Variants in UNC79 observed in about 807,000 individuals in gnomAD.
The protein encoded by UNC79 is unc-79 subunit of NALCN channel complex.
A neutral mutation model predicts 283.1 loss-of-function variants in UNC79; 37 were observed. The ratio of observed to expected loss-of-function variants is 0.13; its 90% confidence interval spans 0.10 to 0.17. UNC79 has a LOEUF of 0.17. Among genes scored for constraint, UNC79 ranks in the 10% least tolerant of loss-of-function variants. The pLI, the probability that UNC79 is intolerant of heterozygous loss-of-function variation, is 1.00. For missense variants in UNC79, 2,272 were observed against 3,211.1 expected (o/e 0.71, Z 7.07); for synonymous variants, 1,107 against 1,200.2 (o/e 0.92, Z 1.61).
intron 1 of UNC79, among the ~76,000 whole-genome samples, chr14:93,456,771 G>T (rs560312720): frequency 5.3e-5 from 8 of 152,246 alleles, no homozygotes; most frequent in African/African-American, 1.9e-4. Context: ...TGAAAGTGGG[G>T]CACATATCAT....
chr14:93,487,804 A>G (rs1456553020), intron 5 of UNC79, 49 bp downstream of exon 5: 2 of 1,547,930 alleles, frequency 1.3e-6, no homozygotes, highest in Non-Finnish European at 1.8e-6. Flanking sequence ...CAATAATTAA[A>G]CAAGACATCA....
chr14:93,380,314 G>A (rs1168878861), intron 1 of UNC79, among the ~76,000 whole-genome samples: 4 of 152,156 alleles, frequency 2.6e-5, no homozygotes, highest in South Asian at 4.1e-4. Flanking sequence ...GATCATATAT[G>A]TAGTAAAAAG....
intron 26 of UNC79, chr14:93,604,921 G>A: frequency 6.3e-7 from 1 of 1,587,212 alleles, no homozygotes; most frequent in East Asian, 2.2e-5. Flanking sequence ...GGCATGAGCA[G>A]TCTGCTCCAG....
At chr14:93,678,762 T>C (rs1317784960) in intron 41 of UNC79, among the ~76,000 whole-genome samples, 1 of 152,260 alleles carries the variant, frequency 6.6e-6, no homozygotes, top group Non-Finnish European at 1.5e-5. Flanking sequence ...GAAGTTTACA[T>C]ATGTAAAGTT....
At chr14:93,516,540 C>T (rs1047909235) in intron 7 of UNC79, among the ~76,000 whole-genome samples, 16 of 151,710 alleles carry the variant, frequency 1.1e-4, no homozygotes, top group East Asian at 3.9e-4. Flanking sequence ...TCTGCCTCTC[C>T]GGTTCAAGTG....
At chr14:93,586,642 G>T (rs550787628) in exon 21 of UNC79, 2 of 1,613,736 alleles carry the variant, frequency 1.2e-6, no homozygotes, top group Non-Finnish European at 1.7e-6. Context: ...AACAGCTTCC[G>T]GTAACATTGA....
At chr14:93,403,664 G>T (rs1291258725) in intron 1 of UNC79, among the ~76,000 whole-genome samples, 1 of 152,096 alleles carries the variant, frequency 6.6e-6, no homozygotes, top group Non-Finnish European at 1.5e-5. Context: ...GAACACTGAT[G>T]ATCAATACAG....
chr14:93,630,199 T>G (rs1264682613), intron 30 of UNC79, among the ~76,000 whole-genome samples: 1 of 152,192 alleles, frequency 6.6e-6, no homozygotes, highest in African/African-American at 2.4e-5. Context: ...CCTAAATCAC[T>G]TAAGGGTTAG....
At chr14:93,520,490 C>T (rs1490272659) in intron 7 of UNC79, among the ~76,000 whole-genome samples, 3 of 151,674 alleles carry the variant, frequency 2.0e-5, no homozygotes, top group Admixed American at 6.6e-5. Flanking sequence ...AAATATTTCC[C>T]CCTTTTATTT....
intron 41 of UNC79, among the ~76,000 whole-genome samples, chr14:93,676,011 C>T (rs1998901): frequency 0.63 from 95,216 of 152,098 alleles, 30,251 homozygotes; most frequent in Admixed American, 0.68. Context: ...AGCAGCAACA[C>T]TGCCTTTGAG....
At position 93,557,269 on chromosome 14, in the gene UNC79, A is replaced by G. The variant is rs558064703; in HGVS notation, c.1755+14573A>G. On this transcript the variant is annotated intron_variant, in intron 14 of 48. Transcript: ENST00000555664. ...CTTGAAGCCATATTTTGTTATGGGTATTGGGACATCTGGACTTTCTGCTGT... is the reference window on the plus strand; with the variant it reads ...CTTGAAGCCATATTTTGTTATGGGTGTTGGGACATCTGGACTTTCTGCTGT... Among the ~76,000 whole-genome samples, 12 of 152,320 alleles carry G rather than the reference A, an allele frequency of 7.9e-5. No homozygotes were observed. The South Asian group carries it at 2.5e-3, about 32-fold the overall frequency.
At chr14:93,391,808 TAAGC>T (rs2054889278) in intron 1 of UNC79, among the ~76,000 whole-genome samples, 1 of 152,176 alleles carries the variant, frequency 6.6e-6, no homozygotes, top group South Asian at 2.1e-4. Flanking sequence ...ATCAATGACT[TAAGC>T]AGGAACTTCA....
chr14:93,459,924 C>T (rs1251389126), intron 1 of UNC79, among the ~76,000 whole-genome samples: 1 of 89,722 alleles, frequency 1.1e-5, no homozygotes, highest in Non-Finnish European at 2.1e-5. Context: ...CCCGCCTTGG[C>T]CTCCCAAAGT....
intron 10 of UNC79, among the ~76,000 whole-genome samples, chr14:93,530,062 A>G (rs1450858218): frequency 7.2e-5 from 11 of 152,194 alleles, no homozygotes. Context: ...GGGGCACAGG[A>G]AGAACTCGAT....
intron 30 of UNC79, 151 bp downstream of exon 32, chr14:93,622,992 C>A: frequency 9.3e-7 from 1 of 1,075,418 alleles, no homozygotes; most frequent in Non-Finnish European, 1.3e-6. Context: ...CTGAATCCTT[C>A]CTGTTTAATG....
chr14:93,588,694 T>A (rs1235352236), intron 22 of UNC79, among the ~76,000 whole-genome samples: 2 of 130,414 alleles, frequency 1.5e-5, no homozygotes, highest in Non-Finnish European at 3.1e-5. Flanking sequence ...TGAGCCGAGA[T>A]CGTGCCACTA....
At chr14:93,375,742 C>T (rs1005007321) in intron 1 of UNC79, among the ~76,000 whole-genome samples, 1 of 152,062 alleles carries the variant, frequency 6.6e-6, no homozygotes, top group East Asian at 1.9e-4. Flanking sequence ...CATGAGAGCT[C>T]TATCACGGGA....
intron 1 of UNC79, among the ~76,000 whole-genome samples, chr14:93,454,349 C>CT (rs2056736064): frequency 6.6e-6 from 1 of 152,114 alleles, no homozygotes; most frequent in Non-Finnish European, 1.5e-5. Context: ...CTGGCCTAGA[C>CT]TTTTTTCCAT....
chr14:93,530,866 C>G (rs759740408), intron 10 of UNC79, among the ~76,000 whole-genome samples: 132 of 151,436 alleles, frequency 8.7e-4, no homozygotes, highest in Non-Finnish European at 1.3e-3. Flanking sequence ...CCGAGATCGC[C>G]CCACTGCACT....
Sources: gnomAD v4.1 joint callset for allele counts (sites outside exome capture counted in the v4.1 genomes callset) on GRCh38, gnomAD v4.1.1 for gene constraint, MANE v1.5 for transcripts, NCBI Gene and HGNC (gene_info 2026-07-23, HGNC 2026-07-21) for gene names.